Variants in PRKN observed in about 807,000 individuals in gnomAD.
The protein encoded by PRKN is E3 ubiquitin-protein ligase parkin.
PRKN carries 56 observed loss-of-function variants against 59.5 expected under a neutral mutation model. The ratio of observed to expected loss-of-function variants is 0.94; its 90% CI spans 0.76 to 1.18. The LOEUF (loss-of-function observed/expected upper bound fraction) is 1.18, where lower values mean the gene tolerates loss of function less well. Among genes scored for constraint, PRKN ranks in the 50% most tolerant of loss-of-function variants. The probability of loss-of-function intolerance (pLI) is 0.00; values close to 1 mark genes in which losing one functional copy is unlikely to be tolerated. For missense variants in PRKN, 657 were observed against 596.4 expected (o/e 1.10, Z -1.06); for synonymous variants, 250 against 222.1 (o/e 1.13, Z -1.12).
rs567393345 is a variant in PRKN at position 162,614,312 on chromosome 6, G to T, written c.7+113350C>A. 2.3e-4 allele frequency among the ~76,000 whole-genome samples: 35 copies of T among 152,224 alleles called. 1 individual carries two copies. In the South Asian group the frequency reaches 4.6e-3, roughly 20 times the overall value. ...AATGAGAAGGGTAAGTCATGAGGGG[G>T]AAGTTTTGTGCCATAAACCTGTAAG... On this transcript the variant is annotated intron_variant, in intron 1 of 11. Coordinates refer to ENST00000366898, the MANE Select transcript of PRKN (RefSeq NM_004562.3).
intron 7 of PRKN, among the ~76,000 whole-genome samples, chr6:161,704,148 G>T (rs972957458): frequency 6.6e-6 from 1 of 151,968 alleles, no homozygotes; most frequent in Non-Finnish European, 1.5e-5. Flanking sequence ...TAGCCACCAC[G>T]CCCGGCCGAG....
At chr6:161,716,148 C>A in intron 7 of PRKN, 1 of 1,317,478 alleles carries the variant, frequency 7.6e-7, no homozygotes, top group Non-Finnish European at 1.0e-6. Flanking sequence ...AAATAGAATA[C>A]AGAGGAGACT....
chr6:162,024,931 T>A (rs1275825888), intron 5 of PRKN, among the ~76,000 whole-genome samples: 9 of 152,292 alleles, frequency 5.9e-5, no homozygotes, highest in Admixed American at 2.6e-4. Context: ...AGTCTTTTTT[T>A]ATATTATGAA....
intron 2 of PRKN, among the ~76,000 whole-genome samples, chr6:162,264,463 C>G (rs931208024): frequency 2.6e-5 from 4 of 152,006 alleles, no homozygotes; most frequent in African/African-American, 9.7e-5. Flanking sequence ...ATCAATGTCC[C>G]TCGAACAGTG....
At position 161,648,859 on chromosome 6, in the gene PRKN, A is replaced by G. The variant is rs144098700; in HGVS notation, c.872-79443T>C. Among the ~76,000 whole-genome samples, 1,274 of 152,266 alleles carry G rather than the reference A, an allele frequency of 8.4e-3. 4 individuals are homozygous for G. Among genetic ancestry groups the G allele is most frequent in the Non-Finnish European group, 0.014 (976 of 68,012 alleles). On this transcript the variant is annotated intron_variant, in intron 7 of 11. Transcript: ENST00000366898. ...ATAGAGTCAACCATGAACTTGGAAA[A>G]TCCTCCAGAGTATGCAGAGCTATCA...
intron 2 of PRKN, among the ~76,000 whole-genome samples, chr6:162,372,283 T>C (rs1785810189): frequency 6.6e-6 from 1 of 152,164 alleles, no homozygotes. Context: ...CCATTATTTC[T>C]AATGGTCTAT....
intron 1 of PRKN, chr6:162,569,494 G>C: frequency 5.8e-6 from 4 of 691,760 alleles, no homozygotes; most frequent in South Asian, 5.4e-5. Flanking sequence ...AGTCTGGGAT[G>C]CAGAACATGA....
chr6:161,636,094 A>T (rs1405826947), intron 7 of PRKN, among the ~76,000 whole-genome samples: 28 of 152,306 alleles, frequency 1.8e-4, no homozygotes, highest in African/African-American at 6.5e-4. Flanking sequence ...CACTATGAGC[A>T]GGCCGTTGTG....
At chr6:161,569,462 T>C (rs374658258) in intron 7 of PRKN, 46 bp from the exon 8 acceptor site, 7 of 1,481,794 alleles carry the variant, frequency 4.7e-6, no homozygotes, top group Non-Finnish European at 5.7e-6. Flanking sequence ...TTTCACTCTG[T>C]GTGGTTATAT....
At chr6:162,134,865 T>G (rs1247815089) in intron 4 of PRKN, among the ~76,000 whole-genome samples, 3 of 152,008 alleles carry the variant, frequency 2.0e-5, no homozygotes, top group Non-Finnish European at 4.4e-5. Context: ...AAGATTAGAG[T>G]CCATTATTAC....
chr6:161,922,639 T>C (rs935217151), intron 6 of PRKN, among the ~76,000 whole-genome samples: 1 of 152,112 alleles, frequency 6.6e-6, no homozygotes, highest in Non-Finnish European at 1.5e-5. Flanking sequence ...GTAACTAACA[T>C]AGGTCAGCAT....
At chr6:162,499,407 C>T (rs9356029) in intron 1 of PRKN, among the ~76,000 whole-genome samples, 74,435 of 151,928 alleles carry the variant, frequency 0.49, 18,316 homozygotes, top group Middle Eastern at 0.55. Flanking sequence ...CTCTTCAAAT[C>T]TGTTTCTTTA....
chr6:161,713,359 G>A (rs1304092703), intron 7 of PRKN, among the ~76,000 whole-genome samples: 2 of 152,144 alleles, frequency 1.3e-5, no homozygotes, highest in African/African-American at 4.8e-5. Flanking sequence ...CCCCTTCCCA[G>A]AGGTCAATGG....
chr6:162,611,369 G>C (rs1782139199), intron 1 of PRKN, among the ~76,000 whole-genome samples: 1 of 152,206 alleles, frequency 6.6e-6, no homozygotes, highest in East Asian at 1.9e-4. Context: ...AAGTTTAATA[G>C]AAGTAACTGT....
Position 161,523,280 on chromosome 6 carries a change from C to T in PRKN, c.1083+25574G>A, listed in dbSNP as rs146788618. On this transcript the variant is annotated intron_variant, in intron 9 of 11. Transcript: ENST00000366898. ...GGGAGATAACTAAATTTTTATAAAA[C>T]GTTTTGGCAATATCTACTGATACAT... is the stretch of plus-strand genomic sequence containing the variant. 3.2e-4 allele frequency among the ~76,000 whole-genome samples: 48 copies of T among 152,156 alleles called. No homozygotes were observed. The East Asian group carries it at 6.0e-3, about 19-fold the overall frequency.
chr6:162,227,400 T>C (rs1464316899), intron 3 of PRKN, among the ~76,000 whole-genome samples: 2 of 152,118 alleles, frequency 1.3e-5, no homozygotes, highest in Non-Finnish European at 2.9e-5. Context: ...CTCTCTACCC[T>C]TTATATCTAT....
intron 9 of PRKN, among the ~76,000 whole-genome samples, chr6:161,398,251 G>T (rs1416965966): frequency 6.6e-6 from 1 of 152,112 alleles, no homozygotes; most frequent in Non-Finnish European, 1.5e-5. Context: ...CAGATAGAGA[G>T]GAGGCTGAAA....
intron 2 of PRKN, among the ~76,000 whole-genome samples, chr6:162,286,267 A>G (rs1404234235): frequency 6.7e-6 from 1 of 149,392 alleles, no homozygotes; most frequent in Non-Finnish European, 1.5e-5. Context: ...AGCCTTTCCA[A>G]ACTTGTTTTT....
intron 9 of PRKN, among the ~76,000 whole-genome samples, chr6:161,500,303 T>C (rs1777913006): frequency 6.6e-6 from 1 of 152,174 alleles, no homozygotes; most frequent in South Asian, 2.1e-4. Context: ...AAAATGTACA[T>C]TGACACATCA....
Sources: allele counts gnomAD v4.1 joint callset (sites outside exome capture counted in the v4.1 genomes callset), GRCh38; gene constraint gnomAD v4.1.1; transcripts MANE v1.5; gene names NCBI Gene and HGNC (gene_info 2026-07-23, HGNC 2026-07-21).